The following EFHD1 variants were observed in gnomAD, a reference collection of about 807,000 sequenced individuals.
The protein encoded by EFHD1 is EF-hand domain family member D1.
A neutral mutation model predicts 17.2 loss-of-function variants in EFHD1; 10 were observed. The ratio of observed to expected loss-of-function variants is 0.58; its 90% CI spans 0.36 to 0.99. The LOEUF is 0.99. EFHD1 is among the 50% of genes least tolerant of loss of function. The pLI is 0.01. For synonymous variants in EFHD1, 153 were observed against 142.0 expected (o/e 1.08, Z -0.55); for missense variants, 310 against 327.5 (o/e 0.95, Z 0.41).
chr2:232,654,350 A>C (rs963025660), intron 1 of EFHD1, among the ~76,000 whole-genome samples: 1 of 151,476 alleles, frequency 6.6e-6, no homozygotes, highest in Non-Finnish European at 1.5e-5. Context: ...AAGGTTTCCC[A>C]AGTCTTCTAG....
Position 232,663,295 on chromosome 2 carries a change from T to A in EFHD1, c.450+346T>A, listed in dbSNP as rs571250268. 5.3e-5 allele frequency among the ~76,000 whole-genome samples: 8 copies of A among 152,320 alleles called. No homozygotes were observed. The East Asian group carries it at 1.3e-3, about 26-fold the overall frequency. ...AGCTTTTCATTTTTTAACGTATTTT[T>A]AAAATTTTTTATTTTTAATTGTTAT... On this transcript the variant is annotated intron_variant, in intron 2 of 3. Transcript: ENST00000264059.
rs1343129806 is a variant in EFHD1 at position 232,617,639 on chromosome 2, C to T, written c.14+11466C>T. ...CTGCACTCCAGCCTGGGCAACAGAGCGAGACTCCGTCTCAAAAAAAAAAAA... is the reference window on the plus strand; with the variant it reads ...CTGCACTCCAGCCTGGGCAACAGAGTGAGACTCCGTCTCAAAAAAAAAAAA... On this transcript the variant is annotated intron_variant, in intron 1 of 3. Coordinates refer to the EFHD1 transcript ENST00000409613. 2.3e-4 allele frequency among the ~76,000 whole-genome samples: 29 copies of T among 127,926 alleles called. 1 individual carries two copies. Among genetic ancestry groups the T allele is most frequent in the African/African-American group, 7.2e-4 (24 of 33,296 alleles). 83.9% of individuals were successfully genotyped at this position (127,926 alleles called of 152,430 possible).
At chr2:232,615,269 G>A (rs982139818) in intron 1 of EFHD1, among the ~76,000 whole-genome samples, 4 of 151,652 alleles carry the variant, frequency 2.6e-5, no homozygotes, top group African/African-American at 7.3e-5. Flanking sequence ...TTTACTGTTG[G>A]GGGGGCATCC....
chr2:232,622,289 G>A (rs987146458), intron 1 of EFHD1, among the ~76,000 whole-genome samples: 1 of 152,156 alleles, frequency 6.6e-6, no homozygotes, highest in East Asian at 1.9e-4. Context: ...CCAACATGGT[G>A]AAACCCCGAC....
chr2:232,634,554 C>A (rs1694279312), intron 1 of EFHD1, among the ~76,000 whole-genome samples: 2 of 152,130 alleles, frequency 1.3e-5, no homozygotes, highest in African/African-American at 4.8e-5. Context: ...GCAGGCGCGG[C>A]CCGGGAGCCT....
chr2:232,614,812 C>CAA (rs1306022386), intron 1 of EFHD1, among the ~76,000 whole-genome samples: 2 of 151,956 alleles, frequency 1.3e-5, no homozygotes, highest in African/African-American at 4.8e-5. Context: ...CCTGACTCTA[C>CAA]AAAAAATACA....
chr2:232,633,761 CGAG>C lies in EFHD1; in HGVS notation c.61_63del (p.Glu21del). 2.0e-6 allele frequency: 3 copies of C among 1,469,106 alleles called. No individual in the cohort carries two copies. The highest frequency in any genetic ancestry group is 2.7e-6 in the Non-Finnish European group (3 of 1,118,682). The allele number at this position is 1,469,106 out of a possible 1,614,324, so 91.0% of individuals were successfully genotyped here. ...AGCGCCGGCTGCGGCGCGAGGAGGC[CGAG>C]GAGAGTGGCCCCCAGCTGGCTCCCC... On this transcript the variant is annotated inframe_deletion, in exon 1 of 4. Coordinates refer to ENST00000264059, the MANE Select transcript of EFHD1 (RefSeq NM_025202.4).
chr2:232,667,696 G>A (rs1694993898), intron 2 of EFHD1, among the ~76,000 whole-genome samples: 1 of 152,038 alleles, frequency 6.6e-6, no homozygotes, highest in African/African-American at 2.4e-5. Context: ...GGGATTACAA[G>A]CATGCGGCAC....
chr2:232,666,585 C>T (rs1486484931), intron 2 of EFHD1, among the ~76,000 whole-genome samples: 1 of 152,182 alleles, frequency 6.6e-6, no homozygotes, highest in Non-Finnish European at 1.5e-5. Context: ...ATCCATGATG[C>T]TTGGTTAGCT....
Position 232,681,721 on chromosome 2 carries a change from C to T in EFHD1, c.*2C>T. 6.2e-7 allele frequency: 1 copy of T among 1,613,632 alleles called. No individual in the cohort carries two copies. The highest frequency in any genetic ancestry group is 1.1e-5 in the South Asian group (1 of 90,954). ...CTCAAGGCCAACTTCAATACATAGT[C>T]CTGCTGACCTTGCCCTCTGCCCACA... On this transcript the variant is annotated 3_prime_UTR_variant, in exon 4 of 4. Transcript: ENST00000264059.
chr2:232,652,313 G>A (rs559389752), intron 1 of EFHD1, among the ~76,000 whole-genome samples: 1 of 152,224 alleles, frequency 6.6e-6, no homozygotes, highest in East Asian at 1.9e-4. Flanking sequence ...AGAGATAATT[G>A]CCAAATGTCT....
At chr2:232,629,476 C>CT (rs967179050), upstream of EFHD1, among the ~76,000 whole-genome samples, 17 of 149,940 alleles carry the variant, frequency 1.1e-4, no homozygotes, top group East Asian at 1.9e-4. Flanking sequence ...TTTTCTTTTT[C>CT]TTTTTTTTTT....
At chr2:232,656,418 G>T (rs535350393) in intron 1 of EFHD1, among the ~76,000 whole-genome samples, 3 of 151,464 alleles carry the variant, frequency 2.0e-5, no homozygotes, top group African/African-American at 7.3e-5. Flanking sequence ...CTTAGTTTTA[G>T]GACCTTGCTT....
chr2:232,621,757 G>A (rs558814016), intron 1 of EFHD1, among the ~76,000 whole-genome samples: 1 of 152,140 alleles, frequency 6.6e-6, no homozygotes, highest in East Asian at 1.9e-4. Context: ...TGGCCCAGTG[G>A]GCATTATTTC....
intron 1 of EFHD1, among the ~76,000 whole-genome samples, chr2:232,617,034 C>T (rs1693938155): frequency 6.6e-6 from 1 of 152,208 alleles, no homozygotes; most frequent in Non-Finnish European, 1.5e-5. Flanking sequence ...ACTTCCAAGA[C>T]CATGCGTTTA....
chr2:232,627,868 G>C (rs1165337838), intron 1 of EFHD1, among the ~76,000 whole-genome samples: 2 of 151,522 alleles, frequency 1.3e-5, no homozygotes, highest in East Asian at 3.9e-4. Flanking sequence ...TCCTTTTTTT[G>C]TTTGTTATTT....
intron 1 of EFHD1, among the ~76,000 whole-genome samples, chr2:232,660,344 G>A (rs1183296021): frequency 6.6e-6 from 1 of 151,718 alleles, no homozygotes; most frequent in African/African-American, 2.4e-5. Context: ...ACAGGTGCCT[G>A]CCACCACGCC....
chr2:232,609,196 A>G (rs1040447154), intron 1 of EFHD1, among the ~76,000 whole-genome samples: 3 of 148,562 alleles, frequency 2.0e-5, no homozygotes, highest in Non-Finnish European at 3.0e-5. Context: ...AGTTATTGGG[A>G]TTACAGGCGC....
chr2:232,658,520 T>C (rs530801865), intron 1 of EFHD1, among the ~76,000 whole-genome samples: 10 of 152,302 alleles, frequency 6.6e-5, no homozygotes, highest in African/African-American at 2.4e-4. Flanking sequence ...ATCTTGGGTA[T>C]ATACACGAAA....
Sources: gnomAD v4.1 joint callset for allele counts (sites outside exome capture counted in the v4.1 genomes callset) on GRCh38, gnomAD v4.1.1 for gene constraint, MANE v1.5 for transcripts, NCBI Gene and HGNC (gene_info 2026-07-23, HGNC 2026-07-21) for gene names.